PEAK1: variants seen among roughly 807,000 people sequenced by gnomAD.
PEAK1 encodes inactive tyrosine-protein kinase PEAK1.
PEAK1 carries 54 observed loss-of-function variants against 124.7 expected under a neutral mutation model. The ratio of observed to expected loss-of-function variants is 0.43; its 90% confidence interval spans 0.35 to 0.54. PEAK1 has a LOEUF of 0.54. Ranked by LOEUF, PEAK1 falls within the 20% of genes least tolerant of loss-of-function variation. The pLI, the probability that PEAK1 is intolerant of heterozygous loss-of-function variation, is 0.01. For missense variants in PEAK1, 2,046 were observed against 2,134.5 expected (o/e 0.96, Z 0.82); for synonymous variants, 719 against 760.0 (o/e 0.95, Z 0.89).
At chr15:77,241,976 T>C (rs964131399) in intron 6 of PEAK1, among the ~76,000 whole-genome samples, 4 of 152,018 alleles carry the variant, frequency 2.6e-5, no homozygotes, top group African/African-American at 9.7e-5. Flanking sequence ...ATATAACAAA[T>C]ATTTTTCCAC....
intron 6 of PEAK1, among the ~76,000 whole-genome samples, chr15:77,236,613 ATGAGT>A (rs745479280): frequency 6.6e-6 from 1 of 152,116 alleles, no homozygotes; most frequent in Non-Finnish European, 1.5e-5. Flanking sequence ...TAATGCTGGA[ATGAGT>A]TAAGACTGGG....
Position 77,112,706 on chromosome 15 carries a change from A to AC in PEAK1, c.*1449dup, listed in dbSNP as rs2051058007. 7.5e-6 allele frequency: 1 copy of AC among 134,186 alleles called. No homozygotes were observed. The highest frequency in any genetic ancestry group is 2.2e-4 in the East Asian group (1 of 4,468). The allele number at this position is 134,186 out of a possible 1,614,324, so 8.3% of individuals were successfully genotyped here. ...ACACACACACACACACACACACACA[A>AC]CCCCAGTGGAAGGAACGCTCATCTC... On this transcript the variant is annotated 3_prime_UTR_variant, in exon 10 of 10. Coordinates refer to ENST00000682557, the MANE Select transcript of PEAK1 (RefSeq NM_001385026.1).
At chr15:77,239,625 G>C (rs972579699) in intron 6 of PEAK1, among the ~76,000 whole-genome samples, 1 of 152,100 alleles carries the variant, frequency 6.6e-6, no homozygotes, top group Non-Finnish European at 1.5e-5. Flanking sequence ...ATGGCATAAA[G>C]GAAGATCAAG....
At chr15:77,123,836 A>G (rs2052137243) in intron 9 of PEAK1, among the ~76,000 whole-genome samples, 1 of 152,214 alleles carries the variant, frequency 6.6e-6, no homozygotes, top group Admixed American at 6.5e-5. Flanking sequence ...AGGCCAGCCA[A>G]TATATAGCCC....
At chr15:77,380,127 A>G (rs1440941290) in intron 1 of PEAK1, among the ~76,000 whole-genome samples, 1 of 152,090 alleles carries the variant, frequency 6.6e-6, no homozygotes, top group Non-Finnish European at 1.5e-5. Context: ...TCTTTGACAT[A>G]TTGATTTTCA....
chr15:77,388,963 T>TA lies in PEAK1; in HGVS notation c.-665-23739_-665-23738insT, dbSNP rs201977421. Among the ~76,000 whole-genome samples, 105 of 146,558 alleles carry TA rather than the reference T, an allele frequency of 7.2e-4. 2 individuals carry two copies. Among genetic ancestry groups the TA allele is most frequent in the African/African-American group, 2.6e-3 (101 of 38,568 alleles). On this transcript the variant is annotated intron_variant, in intron 1 of 9. Coordinates refer to ENST00000682557, the MANE Select transcript of PEAK1 (RefSeq NM_001385026.1). ...GCCTGTCTACCTTCTTTTGCTTATTTTTTTTTTTTTTTTTTTGGAGATAGG... is the reference window on the plus strand; with the variant it reads ...GCCTGTCTACCTTCTTTTGCTTATTTATTTTTTTTTTTTTTTTGGAGATAGG...
At chr15:77,141,851 TG>T (rs1267666505) in intron 8 of PEAK1, among the ~76,000 whole-genome samples, 1 of 152,066 alleles carries the variant, frequency 6.6e-6, no homozygotes, top group Non-Finnish European at 1.5e-5. Flanking sequence ...TAAAAATGTA[TG>T]AAAAATTTAA....
At chr15:77,404,314 A>C in intron 1 of PEAK1, 1 of 985,412 alleles carries the variant, frequency 1.0e-6, no homozygotes, top group Non-Finnish European at 1.2e-6. Flanking sequence ...TCTGGGGGGA[A>C]ATTCCATGTT....
intron 5 of PEAK1, among the ~76,000 whole-genome samples, chr15:77,273,272 T>G (rs1296674457): frequency 6.6e-6 from 1 of 151,996 alleles, no homozygotes; most frequent in African/African-American, 2.4e-5. Context: ...CCAGAAAAAT[T>G]AGACAAGAGA....
chr15:77,265,424 C>T lies in PEAK1; in HGVS notation c.-274-12898G>A, dbSNP rs1287836751. On this transcript the variant is annotated intron_variant, in intron 5 of 9. Transcript: ENST00000682557. ...AAATTTACAAGAAAAAAACAAACAA[C>T]CCCATCAAAAAGTGGGCGAAGGACA... is the stretch of plus-strand genomic sequence containing the variant. Among the ~76,000 whole-genome samples the T allele has an allele frequency of 2.6e-5, 4 of 152,110 alleles. 1 individual carries two copies. Among genetic ancestry groups the T allele is most frequent in the Admixed American group, 2.0e-4 (3 of 15,270 alleles).
chr15:77,192,431 G>C (rs2057880205), intron 6 of PEAK1, among the ~76,000 whole-genome samples: 1 of 152,200 alleles, frequency 6.6e-6, no homozygotes, highest in African/African-American at 2.4e-5. Context: ...GAAAACAGCA[G>C]AAGCTCAGAC....
intron 5 of PEAK1, among the ~76,000 whole-genome samples, chr15:77,266,969 G>A (rs78485062): frequency 0.022 from 3,366 of 151,402 alleles, 139 homozygotes; most frequent in African/African-American, 0.077. Context: ...CTGGAAATCA[G>A]CTCTGTGTTG....
intron 2 of PEAK1, among the ~76,000 whole-genome samples, chr15:77,316,882 T>G (rs188335395): frequency 7.8e-4 from 118 of 152,118 alleles, no homozygotes; most frequent in Non-Finnish European, 1.5e-3. Context: ...GTTTGAGACC[T>G]GCCTGGCCGA....
At position 77,114,197 on chromosome 15, in the gene PEAK1, C is replaced by T; in HGVS notation, c.5200G>A (p.Asp1734Asn). 6.2e-7 allele frequency: 1 copy of T among 1,614,220 alleles called. No individual in the cohort carries two copies. Among genetic ancestry groups the T allele is most frequent in the African/African-American group, 1.3e-5 (1 of 75,044 alleles). The change falls in exon 10 of 10, where the codon GAC (aspartate) becomes AAC (asparagine). Residue 1734 changes from aspartate (D) to asparagine (N), a missense_variant. Transcript: ENST00000682557. ...CAQYLAFATT[D>N]SLSCIVKILQ... ...ATTTTCACAATACAACTGAGGGAGTCTGTAGTGGCAAAAGCCAAATACTGA... is the reference window on the plus strand; with the variant it reads ...ATTTTCACAATACAACTGAGGGAGTTTGTAGTGGCAAAAGCCAAATACTGA...
At chr15:77,264,490 A>C (rs1477416937) in intron 5 of PEAK1, among the ~76,000 whole-genome samples, 1 of 152,184 alleles carries the variant, frequency 6.6e-6, no homozygotes, top group Non-Finnish European at 1.5e-5. Context: ...ATCATGAGTG[A>C]ACTCCCATTC....
intron 6 of PEAK1, among the ~76,000 whole-genome samples, chr15:77,244,856 G>A (rs1367952710): frequency 3.3e-5 from 5 of 152,042 alleles, no homozygotes; most frequent in African/African-American, 4.8e-5. Flanking sequence ...TCAGGTGTGA[G>A]CCACCATACT....
At chr15:77,123,501 C>T (rs1394783225) in intron 9 of PEAK1, among the ~76,000 whole-genome samples, 1 of 152,112 alleles carries the variant, frequency 6.6e-6, no homozygotes, top group Non-Finnish European at 1.5e-5. Flanking sequence ...CAGGAGGTAG[C>T]CTGCCACGAA....
At chr15:77,331,930 A>G (rs2153032978) in intron 2 of PEAK1, among the ~76,000 whole-genome samples, 1 of 151,492 alleles carries the variant, frequency 6.6e-6, no homozygotes, top group Non-Finnish European at 1.5e-5. Context: ...GAATGCTTTT[A>G]ATACATTTTC....
chr15:77,230,966 A>T (rs1024635814), intron 6 of PEAK1, among the ~76,000 whole-genome samples: 5 of 152,168 alleles, frequency 3.3e-5, no homozygotes, highest in African/African-American at 1.2e-4. Flanking sequence ...CACATCTAAA[A>T]GGAAAAAAAA....
Sources: allele counts gnomAD v4.1 joint callset (sites outside exome capture counted in the v4.1 genomes callset), GRCh38; gene constraint gnomAD v4.1.1; transcripts MANE v1.5; gene names NCBI Gene and HGNC (gene_info 2026-07-23, HGNC 2026-07-21).